Variants in MAP3K2 observed in about 807,000 individuals in gnomAD.
The protein encoded by MAP3K2 is mitogen-activated protein kinase kinase kinase 2.
MAP3K2 carries 24 observed loss-of-function variants against 80.3 expected under a neutral mutation model. That is an observed-to-expected ratio of 0.30 (90% CI 0.22 to 0.42). The LOEUF (loss-of-function observed/expected upper bound fraction) is 0.42, where lower values mean the gene tolerates loss of function less well. MAP3K2 is among the 10% of genes least tolerant of loss of function. The pLI, the probability that MAP3K2 is intolerant of heterozygous loss-of-function variation, is 1.00. For synonymous variants in MAP3K2, 244 were observed against 253.7 expected, an observed-to-expected ratio of 0.96 and a Z score of 0.36; for missense variants, 608 against 750.1, an observed-to-expected ratio of 0.81 and a Z score of 2.21.
intron 1 of MAP3K2, among the ~76,000 whole-genome samples, chr2:127,354,486 A>C (rs1361490111): frequency 2.6e-5 from 4 of 152,064 alleles, no homozygotes; most frequent in Non-Finnish European, 4.4e-5. Context: ...AGACTGTCAG[A>C]CTGGAAAACC....
intron 1 of MAP3K2, among the ~76,000 whole-genome samples, chr2:127,349,758 A>G (rs1686660755): frequency 6.6e-6 from 1 of 152,208 alleles, no homozygotes; most frequent in African/African-American, 2.4e-5. Context: ...TAGCTGGAAT[A>G]CAAAATTCTC....
rs1466182553 is a variant in MAP3K2 at position 127,339,149 on chromosome 2, G to A, written c.5-99C>T. The A allele has an allele frequency of 1.4e-6, 1 of 711,560 alleles. No homozygotes were observed. The highest frequency in any genetic ancestry group is 2.8e-5 in the East Asian group (1 of 35,768). 44.1% of individuals were successfully genotyped at this position (711,560 alleles called of 1,614,324 possible). ...CACAAAATTTAAAATAAAATTTGAT[G>A]TAGAGAATGTATTAATGCAAAAATG... On this transcript the variant is annotated intron_variant, in intron 2 of 16. Transcript: ENST00000682094. This position sits in a 1 kb window ranked among gnomAD's most constrained non-coding sequence, Gnocchi z 4.2.
Position 127,310,734 on chromosome 2 carries a change from ACT to A in MAP3K2, c.1457-1974_1457-1973del, listed in dbSNP as rs761133822. On this transcript the variant is annotated intron_variant, in intron 15 of 16. Transcript: ENST00000682094. This position sits in a 1 kb window ranked among gnomAD's most constrained non-coding sequence, Gnocchi z 4.8. ...TATTTTCACTCTTATCATTTTAAAAACTCTATTTTTTCTGGGATTATAAATCT... is the reference window on the plus strand; with the variant it reads ...TATTTTCACTCTTATCATTTTAAAAACTATTTTTTCTGGGATTATAAATCT... 2.0e-4 allele frequency among the ~76,000 whole-genome samples: 30 copies of A among 150,124 alleles called. No individual in the cohort carries two copies. Among genetic ancestry groups the A allele is most frequent in the African/African-American group, 6.9e-4 (28 of 40,798 alleles).
Position 127,326,825 on chromosome 2 carries a change from A to G in MAP3K2, c.467-8T>C, listed in dbSNP as rs1039883099. 1.2e-5 allele frequency: 18 copies of G among 1,528,862 alleles called. No individual in the cohort carries two copies. Among genetic ancestry groups the G allele is most frequent in the Non-Finnish European group, 1.6e-5 (18 of 1,135,182 alleles). The allele number at this position is 1,528,862 out of a possible 1,614,324, so 94.7% of individuals were successfully genotyped here. On this transcript the variant is annotated splice_polypyrimidine_tract_variant and splice_region_variant and intron_variant, in intron 7 of 16. Coordinates refer to ENST00000682094, the MANE Select transcript of MAP3K2 (RefSeq NM_001371910.2). ...TATCTCTACTAGTAGGACCTCAAGG[A>G]AGAAAAATAATGTAATTTATAATTA...
In MAP3K2 at chr2:127,307,795, T is replaced by C. The variant is rs574794923; in HGVS notation, c.1644A>G (p.Ala548=). 5.0e-6 allele frequency: 8 copies of C among 1,585,426 alleles called. No individual in the cohort carries two copies. The South Asian group carries it at 6.9e-5, about 14-fold the overall frequency. The part of the protein sequence containing the change: ...YGRKADIWSV[A]CTVVEMLTEK... ...CAGTTAGCATTTCTACCACAGTACA[T>C]GCAACACTCCTGAAAAGAAACAAAA... is the stretch of plus-strand genomic sequence containing the variant. The change falls in exon 17 of 17, where the codon GCA becomes GCG. Residue 548 remains alanine, a synonymous_variant. Transcript: ENST00000682094. This position sits in a 1 kb window ranked among gnomAD's most constrained non-coding sequence, Gnocchi z 5.4.
intron 1 of MAP3K2, among the ~76,000 whole-genome samples, chr2:127,382,175 T>A (rs1366764023): frequency 6.6e-6 from 1 of 152,336 alleles, no homozygotes; most frequent in South Asian, 2.1e-4. Flanking sequence ...GGATATATAT[T>A]AGAGTATATG....
chr2:127,375,628 T>C (rs993454523), intron 1 of MAP3K2, among the ~76,000 whole-genome samples: 1 of 152,114 alleles, frequency 6.6e-6, no homozygotes, highest in Non-Finnish European at 1.5e-5. Flanking sequence ...CAAGATGGTC[T>C]CAAACTCTTG....
intron 5 of MAP3K2, among the ~76,000 whole-genome samples, chr2:127,333,458 T>A (rs76603673): frequency 0.08 from 12,215 of 152,188 alleles, 756 homozygotes; most frequent in African/African-American, 0.17. Context: ...ACTAGAAAAA[T>A]ATTTATAGAA....
rs1418205531 is a variant in MAP3K2 at position 127,318,660 on chromosome 2, C to A, written c.1046-343G>T. On this transcript the variant is annotated intron_variant, in intron 12 of 16. Transcript: ENST00000682094. The stretch of plus-strand genomic sequence containing the variant: ...ATTCTTCACTGCAGTAATATTTGTA[C>A]TTAGTTTTTCAGCCTCCACCTACAA... Among the ~76,000 whole-genome samples, 4 of 152,180 alleles carry A rather than the reference C, an allele frequency of 2.6e-5. No homozygotes were observed. The East Asian group carries it at 7.7e-4, about 29-fold the overall frequency.
rs534399897 is a variant in MAP3K2 at position 127,325,401 on chromosome 2, G to A, written c.677+327C>T. ...TTAAAAAAGAAAACTACAGTAAGCTGAGCATGGTGGCTCATGTGTGTAATC... is the reference window on the plus strand; with the variant it reads ...TTAAAAAAGAAAACTACAGTAAGCTAAGCATGGTGGCTCATGTGTGTAATC... On this transcript the variant is annotated intron_variant, in intron 9 of 16. Transcript: ENST00000682094. 9.2e-5 allele frequency among the ~76,000 whole-genome samples: 14 copies of A among 152,266 alleles called. No homozygotes were observed. The East Asian group carries it at 2.3e-3, about 25-fold the overall frequency.
chr2:127,385,947 G>A lies in MAP3K2; in HGVS notation c.-66+1505C>T, dbSNP rs143315313. On this transcript the variant is annotated intron_variant, in intron 1 of 16. Transcript: ENST00000682094. ...GCTAGTTTCTCAAAAGAGGCACATG[G>A]ATAACCATTCTATAATGATATCATA... Among the ~76,000 whole-genome samples, 386 of 152,220 alleles carry A rather than the reference G, an allele frequency of 2.5e-3. 2 individuals carry two copies. Among genetic ancestry groups the A allele is most frequent in the African/African-American group, 8.8e-3 (364 of 41,522 alleles).
Position 127,308,654 on chromosome 2 carries a change from G to A in MAP3K2, c.1565C>T (p.Thr522Met), listed in dbSNP as rs553818037. 2.3e-5 allele frequency: 37 copies of A among 1,613,812 alleles called. No homozygotes were observed. Among genetic ancestry groups the A allele is most frequent in the South Asian group, 1.1e-4 (10 of 91,062 alleles). Residue 522 changes from threonine to methionine, a missense_variant, in exon 16 of 17, where the codon ACG (threonine) becomes ATG (methionine). Coordinates refer to ENST00000682094, the MANE Select transcript of MAP3K2 (RefSeq NM_001371910.2). ...CLSGTGMKSV[T>M]GTPYWMSPEV... The stretch of plus-strand genomic sequence containing the variant: ...AGGGCTCATCCAGTATGGTGTGCCC[G>A]TGACAGACTTCATTCCTGTCCCTGA...
intron 5 of MAP3K2, among the ~76,000 whole-genome samples, chr2:127,331,385 AAT>A (rs1422965154): frequency 1.3e-5 from 2 of 152,236 alleles, no homozygotes; most frequent in African/African-American, 4.8e-5. Context: ...TACTCAGCAC[AAT>A]ATATGAGCCA....
At chr2:127,317,220 C>G (rs1685925253) in intron 14 of MAP3K2, among the ~76,000 whole-genome samples, 1 of 151,892 alleles carries the variant, frequency 6.6e-6, no homozygotes, top group South Asian at 2.1e-4. Flanking sequence ...GAGTTTGAAA[C>G]CAGCCTAGGT....
intron 1 of MAP3K2, among the ~76,000 whole-genome samples, chr2:127,365,250 C>T (rs1022101923): frequency 6.7e-6 from 1 of 150,300 alleles, no homozygotes; most frequent in Non-Finnish European, 1.5e-5. Flanking sequence ...TTATCATTTC[C>T]CTGTTTCACA....
chr2:127,388,354 C>T, upstream of MAP3K2: 1 of 985,462 alleles, frequency 1.0e-6, no homozygotes, highest in Non-Finnish European at 1.2e-6. Context: ...GGTAGCAGAG[C>T]TAGCAGAGGC....
chr2:127,378,853 A>G (rs951781980), intron 1 of MAP3K2, among the ~76,000 whole-genome samples: 1 of 151,848 alleles, frequency 6.6e-6, no homozygotes, highest in African/African-American at 2.4e-5. Flanking sequence ...TGTAGCCTGG[A>G]CCTCCTGGGC....
Position 127,339,085 on chromosome 2 carries a change from G to C in MAP3K2, c.5-35C>G. ...TTTGAAACAACACATACATAGAATT[G>C]TAATTGTGACATATATATCAACATG... On this transcript the variant is annotated intron_variant, in intron 2 of 16. Transcript: ENST00000682094. This position sits in a 1 kb window ranked among gnomAD's most constrained non-coding sequence, Gnocchi z 4.2. 2 of 1,277,912 alleles carry C rather than the reference G, an allele frequency of 1.6e-6. No homozygotes were observed. Among genetic ancestry groups the C allele is most frequent in the Non-Finnish European group, 2.2e-6 (2 of 893,020 alleles). The allele number at this position is 1,277,912 out of a possible 1,614,324, so 79.2% of individuals were successfully genotyped here.
chr2:127,340,600 C>T (rs1176813498), intron 2 of MAP3K2, among the ~76,000 whole-genome samples: 1 of 150,534 alleles, frequency 6.6e-6, no homozygotes, highest in East Asian at 2.0e-4. Context: ...GAGGTTGCAG[C>T]GAGCTGAGAT....
Sources: allele counts gnomAD v4.1 joint callset (sites outside exome capture counted in the v4.1 genomes callset), GRCh38; gene constraint gnomAD v4.1.1; non-coding constraint Gnocchi (gnomAD v3.1); transcripts MANE v1.5; gene names NCBI Gene and HGNC (gene_info 2026-07-23, HGNC 2026-07-21).